NCOA7: variants seen among roughly 807,000 people sequenced by gnomAD.
NCOA7 encodes 140 kDa estrogen receptor-associated protein.
A neutral mutation model predicts 104.3 loss-of-function variants in NCOA7; 45 were observed. The observed-to-expected ratio is 0.43, with a 90% CI of 0.34 to 0.55. The LOEUF (loss-of-function observed/expected upper bound fraction) is 0.55. NCOA7 is among the 20% of genes least tolerant of loss of function. NCOA7 has a pLI of 0.02. For missense variants in NCOA7, 1,041 were observed against 1,119.7 expected (o/e 0.93, Z 1.00); for synonymous variants, 398 against 402.3 (o/e 0.99, Z 0.13).
At chr6:125,823,490 G>A (rs1167670753) in intron 2 of NCOA7, among the ~76,000 whole-genome samples, 1 of 152,092 alleles carries the variant, frequency 6.6e-6, no homozygotes, top group African/African-American at 2.4e-5. Flanking sequence ...TGTTGTATGA[G>A]CCGTGATGTT....
intron 2 of NCOA7, among the ~76,000 whole-genome samples, chr6:125,825,231 T>A (rs1299099985): frequency 6.7e-6 from 1 of 149,344 alleles, no homozygotes; most frequent in African/African-American, 2.5e-5. Flanking sequence ...CCCTAGCTAC[T>A]CTGGAGTGGA....
At chr6:125,791,731 T>C (rs1244636787) in intron 1 of NCOA7, among the ~76,000 whole-genome samples, 1 of 152,156 alleles carries the variant, frequency 6.6e-6, no homozygotes, top group East Asian at 1.9e-4. Context: ...TTGATACAGG[T>C]GTCGGGAGTT....
chr6:125,832,774 A>G (rs1482567648), intron 2 of NCOA7, among the ~76,000 whole-genome samples: 2 of 152,212 alleles, frequency 1.3e-5, no homozygotes, highest in African/African-American at 4.8e-5. Context: ...CTCCTGGGGA[A>G]GTGCTGCTAC....
At chr6:125,785,220 C>T (rs965000840) in intron 1 of NCOA7, among the ~76,000 whole-genome samples, 2 of 152,032 alleles carry the variant, frequency 1.3e-5, no homozygotes, top group South Asian at 2.1e-4. Flanking sequence ...CGCCTGTAAT[C>T]GCAGCTACTC....
intron 10 of NCOA7, among the ~76,000 whole-genome samples, chr6:125,906,499 A>G (rs1786018675): frequency 6.6e-6 from 1 of 152,204 alleles, no homozygotes; most frequent in African/African-American, 2.4e-5. Flanking sequence ...AGCTACATTC[A>G]TCATCCCAAG....
intron 10 of NCOA7, among the ~76,000 whole-genome samples, chr6:125,900,274 C>T (rs1785387059): frequency 6.6e-6 from 1 of 152,184 alleles, no homozygotes; most frequent in African/African-American, 2.4e-5. Flanking sequence ...GTATTGTCCA[C>T]TGTTTAATTT....
chr6:125,858,528 T>G (rs538390055), intron 3 of NCOA7, among the ~76,000 whole-genome samples: 1 of 151,966 alleles, frequency 6.6e-6, no homozygotes, highest in Non-Finnish European at 1.5e-5. Context: ...TCCCAGCTAC[T>G]TGGGATGCTG....
At chr6:125,834,237 A>G (rs994265504) in intron 2 of NCOA7, among the ~76,000 whole-genome samples, 1 of 152,228 alleles carries the variant, frequency 6.6e-6, no homozygotes. Flanking sequence ...AATCATCACT[A>G]GAGAAAACTA....
At chr6:125,797,199 A>G (rs1775419607) in intron 1 of NCOA7, among the ~76,000 whole-genome samples, 1 of 152,196 alleles carries the variant, frequency 6.6e-6, no homozygotes, top group African/African-American at 2.4e-5. Flanking sequence ...CATTGAAAGG[A>G]TTGAACATTG....
At position 125,855,204 on chromosome 6, in the gene NCOA7, A is replaced by G. The variant is rs150585521; in HGVS notation, c.235A>G (p.Ile79Val). The G allele has an allele frequency of 9.3e-4, 1,502 of 1,612,426 alleles. 6 individuals are homozygous for G. In the Middle Eastern group the frequency reaches 0.011, roughly 11 times the overall value. The change falls in exon 3 of 16, where the codon ATC becomes GTC. Residue 79 changes from isoleucine to valine, a missense_variant. By Grantham distance (29) the Ile-to-Val change is conservative. Around this residue, in one of 2 missense-constraint regions of NCOA7, gnomAD observed 914 missense variants for 942.7 expected, o/e 0.97. Transcript: ENST00000392477. ...KKRKSNQLKE[I>V]RRTELKRYYS... is the part of the protein sequence containing the mutation. ...GAGAAAAAGTAATCAGTTAAAGGAG[A>G]TCAGGCGTACAGAACTAAAGAGATA... is the stretch of plus-strand genomic sequence containing the variant.
intron 1 of NCOA7, among the ~76,000 whole-genome samples, chr6:125,794,016 A>C (rs1426175220): frequency 6.6e-6 from 1 of 152,192 alleles, no homozygotes; most frequent in Non-Finnish European, 1.5e-5. Context: ...ATTCCCTTCC[A>C]ATACTAGCTG....
At chr6:125,900,943 G>A (rs1785446416) in intron 10 of NCOA7, among the ~76,000 whole-genome samples, 1 of 152,188 alleles carries the variant, frequency 6.6e-6, no homozygotes, top group South Asian at 2.1e-4. Flanking sequence ...AGGCCATTAG[G>A]ACTGGATTTT....
intron 2 of NCOA7, among the ~76,000 whole-genome samples, chr6:125,841,547 A>G (rs553076238): frequency 6.6e-6 from 1 of 152,216 alleles, no homozygotes; most frequent in South Asian, 2.1e-4. Context: ...AGCGTGATCA[A>G]GACCGTCTTG....
At chr6:125,907,421 A>G (rs552389246) in intron 10 of NCOA7, among the ~76,000 whole-genome samples, 1 of 152,354 alleles carries the variant, frequency 6.6e-6, no homozygotes, top group Admixed American at 6.5e-5. Context: ...CACAGAGCAC[A>G]GCACTGACGG....
chr6:125,829,509 T>C (rs1230511529), intron 2 of NCOA7, among the ~76,000 whole-genome samples: 3 of 152,246 alleles, frequency 2.0e-5, no homozygotes, highest in African/African-American at 7.2e-5. Context: ...GAACTTGATA[T>C]ACGTTGTGTT....
intron 5 of NCOA7, 76 bp from the exon 6 acceptor site, chr6:125,881,014 G>A: frequency 2.1e-6 from 2 of 957,252 alleles, no homozygotes; most frequent in Non-Finnish European, 3.4e-6. Context: ...ACTGTGTAGA[G>A]AATAACTTCT....
At chr6:125,842,668 TGCAGATCTAA>T (rs1223096058) in intron 2 of NCOA7, among the ~76,000 whole-genome samples, 1 of 152,184 alleles carries the variant, frequency 6.6e-6, no homozygotes, top group Non-Finnish European at 1.5e-5. Flanking sequence ...ACTGATTCAA[TGCAGATCTAA>T]GTAATTAGAT....
At chr6:125,824,713 A>T (rs1234830351) in intron 2 of NCOA7, among the ~76,000 whole-genome samples, 2 of 152,128 alleles carry the variant, frequency 1.3e-5, no homozygotes, top group Non-Finnish European at 2.9e-5. Context: ...GACAGATTCC[A>T]GGGAAAGAAA....
intron 2 of NCOA7, among the ~76,000 whole-genome samples, chr6:125,842,438 A>G (rs949083045): frequency 6.6e-6 from 1 of 152,198 alleles, no homozygotes; most frequent in African/African-American, 2.4e-5. Flanking sequence ...AGCAAAATAT[A>G]TGTGTCACGA....
Sources: allele counts gnomAD v4.1 joint callset (sites outside exome capture counted in the v4.1 genomes callset), GRCh38; gene constraint gnomAD v4.1.1; regional missense constraint gnomAD v4.1.1; transcripts MANE v1.5; gene names NCBI Gene and HGNC (gene_info 2026-07-23, HGNC 2026-07-21).